The following PRR16 variants were observed in gnomAD, a reference collection of about 807,000 sequenced individuals.
PRR16 encodes the protein protein Largen.
Under a neutral mutation model 18.2 loss-of-function variants are expected in PRR16, and 6 were observed. The observed-to-expected ratio is 0.33, with a 90% CI of 0.18 to 0.65. PRR16 has a LOEUF of 0.65. PRR16 is among the 30% of genes least tolerant of loss of function. The pLI is 0.74. For missense variants in PRR16, 412 were observed against 376.6 expected (o/e 1.09, Z -0.78); for synonymous variants, 151 against 147.8 (o/e 1.02, Z -0.16).
At chr5:120,651,315 A>G (rs1345191872) in intron 1 of PRR16, among the ~76,000 whole-genome samples, 3 of 152,168 alleles carry the variant, frequency 2.0e-5, no homozygotes, top group African/African-American at 7.2e-5. Flanking sequence ...TTTGCTGTGC[A>G]GAAGCTCTTT....
intron 1 of PRR16, chr5:120,531,607 C>T (rs1045818791): frequency 6.6e-6 from 1 of 152,030 alleles, no homozygotes; most frequent in African/African-American, 2.4e-5. Context: ...TTAGTTGAAT[C>T]TTCTGATTTC....
Position 120,629,497 on chromosome 5 carries a change from G to C in PRR16, c.160-56457G>C, listed in dbSNP as rs186812780. On this transcript the variant is annotated intron_variant, in intron 1 of 1. Transcript: ENST00000407149. ...CTATTATGCCTCTTCAACATTGAAAGCATCTTAGAATGTTTTAATTCTGCT... is the reference window on the plus strand; with the variant it reads ...CTATTATGCCTCTTCAACATTGAAACCATCTTAGAATGTTTTAATTCTGCT... 1.7e-3 allele frequency among the ~76,000 whole-genome samples: 262 copies of C among 152,158 alleles called. 2 individuals are homozygous for C. The highest frequency in any genetic ancestry group is 2.0e-3 in the Non-Finnish European group (136 of 67,962).
chr5:120,731,914 C>A, the PRR16 span, among the ~76,000 whole-genome samples: 7 of 152,084 alleles, frequency 4.6e-5, no homozygotes, highest in African/African-American at 1.4e-4. Context: ...GTAGAAGATT[C>A]CCTGGTGAAA....
Position 120,685,938 on chromosome 5 carries a change from T to A in PRR16, c.160-16T>A. 6.2e-7 allele frequency: 1 copy of A among 1,603,728 alleles called. No individual in the cohort carries two copies. Among genetic ancestry groups the A allele is most frequent in the Non-Finnish European group, 8.5e-7 (1 of 1,174,310 alleles). ...TGGGTCATTCTTCAAAACAATTACC[T>A]TGTCCTTTCCACTAGGTGGTTGACC... On this transcript the variant is annotated splice_polypyrimidine_tract_variant and intron_variant, in intron 1 of 1. Transcript: ENST00000407149.
intron 1 of PRR16, among the ~76,000 whole-genome samples, chr5:120,649,774 C>G (rs1451437862): frequency 1.3e-5 from 2 of 151,920 alleles, no homozygotes; most frequent in African/African-American, 4.8e-5. Flanking sequence ...CTTTTAAATA[C>G]TTGTTTTCTT....
intron 1 of PRR16, among the ~76,000 whole-genome samples, chr5:120,540,109 G>A (rs1005528928): frequency 6.6e-6 from 1 of 152,136 alleles, no homozygotes; most frequent in African/African-American, 2.4e-5. Flanking sequence ...TGGTTCATTA[G>A]AAGAAAAGAC....
At chr5:120,466,804 G>A (rs1255311953) in intron 1 of PRR16, among the ~76,000 whole-genome samples, 2 of 152,064 alleles carry the variant, frequency 1.3e-5, no homozygotes, top group Non-Finnish European at 2.9e-5. Flanking sequence ...TCAACATTTT[G>A]GAAGATTTGT....
At chr5:120,781,311 A>T in the PRR16 span, 2 of 152,276 alleles carry the variant, frequency 1.3e-5, no homozygotes. Context: ...GTTGTATGTG[A>T]CATAGAAGCA....
chr5:120,721,404 T>G, the PRR16 span, among the ~76,000 whole-genome samples: 2 of 152,058 alleles, frequency 1.3e-5, no homozygotes, highest in Non-Finnish European at 2.9e-5. Flanking sequence ...AAGGGGCATA[T>G]AATTTGCAAT....
intron 1 of PRR16, among the ~76,000 whole-genome samples, chr5:120,629,481 C>G (rs1229637538): frequency 6.6e-6 from 1 of 151,956 alleles, no homozygotes; most frequent in African/African-American, 2.4e-5. Context: ...TCTATTATGC[C>G]TCTTCAACAT....
the PRR16 span, among the ~76,000 whole-genome samples, chr5:120,760,267 G>A: frequency 6.6e-6 from 1 of 152,020 alleles, no homozygotes; most frequent in Admixed American, 6.6e-5. Flanking sequence ...ATATCAGTAA[G>A]AATTCATGTT....
chr5:120,517,887 A>G (rs547464418), intron 1 of PRR16, among the ~76,000 whole-genome samples: 3 of 152,134 alleles, frequency 2.0e-5, no homozygotes, highest in Non-Finnish European at 2.9e-5. Flanking sequence ...TTTGACCTCT[A>G]TGAGATCTAC....
chr5:120,782,072 G>T, the PRR16 span, among the ~76,000 whole-genome samples: 1 of 152,098 alleles, frequency 6.6e-6, no homozygotes, highest in Non-Finnish European at 1.5e-5. Context: ...CATGCACATT[G>T]TTCTTCTGTA....
the PRR16 span, among the ~76,000 whole-genome samples, chr5:120,705,783 AATT>A: frequency 9.2e-5 from 14 of 152,248 alleles, no homozygotes; most frequent in Middle Eastern, 3.4e-3. Context: ...ACTCTGTAGT[AATT>A]ATTGGTAGAA....
the PRR16 span, among the ~76,000 whole-genome samples, chr5:120,773,140 G>A: frequency 6.6e-6 from 1 of 152,064 alleles, no homozygotes; most frequent in African/African-American, 2.4e-5. Flanking sequence ...ATTCTTACTA[G>A]TATCCGTTAA....
chr5:120,696,922 T>C, the PRR16 span, among the ~76,000 whole-genome samples: 1 of 152,210 alleles, frequency 6.6e-6, no homozygotes, highest in Non-Finnish European at 1.5e-5. Context: ...GTTTAAATAG[T>C]TTATGAAAGA....
At chr5:120,692,677 A>G in the PRR16 span, among the ~76,000 whole-genome samples, 104 of 152,130 alleles carry the variant, frequency 6.8e-4, no homozygotes, top group African/African-American at 2.3e-3. Flanking sequence ...TATTTTATAG[A>G]CTCTTGAAGA....
chr5:120,593,584 G>A (rs2112778266), intron 1 of PRR16, among the ~76,000 whole-genome samples: 1 of 152,002 alleles, frequency 6.6e-6, no homozygotes, highest in South Asian at 2.1e-4. Flanking sequence ...CAAAAAAAGA[G>A]CTGATACCAT....
intron 1 of PRR16, among the ~76,000 whole-genome samples, chr5:120,590,797 A>C (rs530424192): frequency 1.3e-5 from 2 of 152,266 alleles, no homozygotes; most frequent in South Asian, 2.1e-4. Context: ...ATCTCATGAT[A>C]TGCATTCAGT....
Sources: allele counts gnomAD v4.1 joint callset (sites outside exome capture counted in the v4.1 genomes callset), GRCh38; gene constraint gnomAD v4.1.1; transcripts MANE v1.5; gene names NCBI Gene and HGNC (gene_info 2026-07-23, HGNC 2026-07-21).